ARMCX4: variants seen among roughly 807,000 people sequenced by gnomAD.
The protein encoded by ARMCX4 is armadillo repeat containing X-linked 4.
Under a neutral mutation model 34.7 loss-of-function variants are expected in ARMCX4, and 3 were observed. That is an observed-to-expected ratio of 0.09 (90% CI 0.04 to 0.22). The LOEUF (loss-of-function observed/expected upper bound fraction) is 0.22. Among genes scored for constraint, ARMCX4 ranks in the 10% least tolerant of loss-of-function variants. The pLI is 1.00. For missense variants in ARMCX4, 1,448 were observed against 1,720.8 expected (o/e 0.84, Z 2.81); for synonymous variants, 513 against 632.8 (o/e 0.81, Z 2.84).
At chrX:101,529,459 C>T (rs1343873806) in intron 11 of ARMCX4, among the ~76,000 whole-genome samples, 3 of 111,798 alleles carry the variant, frequency 2.7e-5, no homozygotes, top group Non-Finnish European at 3.8e-5. Context: ...AAAGCAATGG[C>T]AACAAAAGCC....
upstream of ARMCX4, among the ~76,000 whole-genome samples, chrX:101,481,279 C>A: frequency 8.9e-6 from 1 of 112,395 alleles, no homozygotes; most frequent in Non-Finnish European, 1.9e-5. Context: ...ATCTGTACTT[C>A]AAGTACTCAT....
intron 4 of ARMCX4, among the ~76,000 whole-genome samples, chrX:101,470,293 C>A (rs1932870475): frequency 9.0e-6 from 1 of 111,491 alleles, no homozygotes; most frequent in Non-Finnish European, 1.9e-5. Flanking sequence ...TCTGTTCACT[C>A]AGCATACTGG....
upstream of ARMCX4, among the ~76,000 whole-genome samples, chrX:101,481,280 A>G (rs1168793784): frequency 8.9e-6 from 1 of 112,472 alleles, no homozygotes; most frequent in Non-Finnish European, 1.9e-5. Flanking sequence ...TCTGTACTTC[A>G]AGTACTCATA....
chrX:101,523,941 CTTT>C (rs782549941), intron 11 of ARMCX4, among the ~76,000 whole-genome samples: 3 of 106,791 alleles, frequency 2.8e-5, no homozygotes, highest in African/African-American at 1.0e-4. Flanking sequence ...GCAGGCATAG[CTTT>C]TTTTTTTCCC....
At chrX:101,436,282 A>G (rs1328391875) in intron 2 of ARMCX4, among the ~76,000 whole-genome samples, 1 of 110,772 alleles carries the variant, frequency 9.0e-6, no homozygotes, top group Non-Finnish European at 1.9e-5. Flanking sequence ...ATGAGCATGG[A>G]ATGTTCTTCC....
rs782376107 is a variant in ARMCX4 at position 101,485,473 on chromosome X, A to G, written c.-494A>G. The G allele has an allele frequency of 4.3e-6, 3 of 698,737 alleles. No homozygotes were observed. The highest frequency in any genetic ancestry group is 8.3e-4 in the Middle Eastern group (1 of 1,205). 57.6% of individuals were successfully genotyped at this position (698,737 alleles called of 1,213,427 possible). A position where few individuals can be genotyped will look rare whatever the true frequency, so the allele number is the denominator to read the frequency against. On this transcript the variant is annotated 5_prime_UTR_variant, in exon 1 of 6. Transcript: ENST00000423738. ...CAGTCGTCACTCGCATCTGGCTACC[A>G]GCTCCCCGCTGCCCTGCGCTCGGCG...
At chrX:101,429,553 C>T (rs1301184918) in intron 2 of ARMCX4, among the ~76,000 whole-genome samples, 5 of 110,539 alleles carry the variant, frequency 4.5e-5, no homozygotes, top group African/African-American at 1.6e-4. Context: ...CCAGGCTGGT[C>T]TCAAACTCCT....
chrX:101,439,064 C>A (rs1931039993), intron 2 of ARMCX4, among the ~76,000 whole-genome samples: 1 of 111,960 alleles, frequency 8.9e-6, no homozygotes, highest in South Asian at 3.7e-4. Flanking sequence ...TCTTCCTAGC[C>A]TTGATAGTCT....
At chrX:101,474,430 A>G in intron 4 of ARMCX4, among the ~76,000 whole-genome samples, 1 of 108,999 alleles carries the variant, frequency 9.2e-6, no homozygotes, top group Non-Finnish European at 1.9e-5. Flanking sequence ...ATCAATAGAA[A>G]AAGAGGGAAT....
At chrX:101,420,586 G>T (rs782287330) in intron 2 of ARMCX4, among the ~76,000 whole-genome samples, 9 of 111,889 alleles carry the variant, frequency 8.0e-5, no homozygotes, top group Non-Finnish European at 1.7e-4. Flanking sequence ...TAAAATAGGG[G>T]TATTCGACTA....
In ARMCX4 at chrX:101,491,968, G is replaced by A. The variant is rs782143633; in HGVS notation, c.3379G>A (p.Val1127Met). ...QTMDGDWENS[V>M]SWADDENEAS... The stretch of plus-strand genomic sequence containing the variant: ...CATGGATGGAGACTGGGAAAATAGC[G>A]TGTCCTGGGCTGATGATGAGAATGA... The change falls in exon 6 of 6, where the codon GTG becomes ATG. Residue 1127 changes from valine to methionine, a missense_variant. By Grantham distance (21) the Val-to-Met change is conservative. This residue lies in a region of ARMCX4 where 1,343 missense variants were observed against 1,540.7 expected (regional missense o/e 0.87). Transcript: ENST00000423738. 2.9e-5 allele frequency: 33 copies of A among 1,154,345 alleles called. No individual in the cohort carries two copies. Among genetic ancestry groups the A allele is most frequent in the African/African-American group, 1.6e-4 (9 of 55,974 alleles).
intron 2 of ARMCX4, among the ~76,000 whole-genome samples, chrX:101,432,890 A>T (rs370566909): frequency 2.0e-5 from 1 of 50,672 alleles, no homozygotes; most frequent in Admixed American, 2.3e-4. Flanking sequence ...ATACGTGTGT[A>T]TATATACGTG....
intron 11 of ARMCX4, among the ~76,000 whole-genome samples, chrX:101,521,947 T>C (rs1556019201): frequency 1.8e-5 from 2 of 111,689 alleles, no homozygotes. Context: ...GAATGTTCCA[T>C]GTGTCCTTGA....
chrX:101,502,359 C>T (rs1483077912), intron 7 of ARMCX4, among the ~76,000 whole-genome samples: 1 of 112,362 alleles, frequency 8.9e-6, no homozygotes, highest in Non-Finnish European at 1.9e-5. Flanking sequence ...CCCACCTCAG[C>T]CTCCTGAGTA....
chrX:101,451,831 G>A (rs782290085), downstream of ARMCX4, among the ~76,000 whole-genome samples: 2 of 112,256 alleles, frequency 1.8e-5, no homozygotes, highest in East Asian at 2.8e-4. Context: ...CTATGTCAAC[G>A]TAAAATAACC....
At chrX:101,443,754 C>T (rs1931455185) in intron 2 of ARMCX4, 2 of 300,958 alleles carry the variant, frequency 6.6e-6, no homozygotes, top group African/African-American at 5.4e-5. Context: ...TGCTCCATGG[C>T]TTCCACGATA....
rs782588145 is a variant in ARMCX4, at chrX:101,440,884, T to G, written n.165-3168T>G. ...AGGTGCCGTCTGTCACCCCTTTCTTTGACTAGGAAAGGGAATTCCCTGACC... is the reference window on the plus strand; with the variant it reads ...AGGTGCCGTCTGTCACCCCTTTCTTGGACTAGGAAAGGGAATTCCCTGACC... On this transcript the variant is annotated intron_variant and non_coding_transcript_variant, in intron 2 of 3. Transcript: ENST00000430461. Among the ~76,000 whole-genome samples the G allele has an allele frequency of 4.8e-4, 54 of 111,408 alleles. No individual in the cohort carries two copies. In the Middle Eastern group the frequency reaches 0.018, roughly 38 times the overall value.
intron 2 of ARMCX4, among the ~76,000 whole-genome samples, chrX:101,433,238 ATG>A (rs1569315539): frequency 5.3e-5 from 2 of 37,728 alleles, no homozygotes; most frequent in Non-Finnish European, 1.5e-4. Flanking sequence ...ATGTACACAT[ATG>A]TATATATACA....
At chrX:101,530,336 G>T (rs782328395) in intron 11 of ARMCX4, among the ~76,000 whole-genome samples, 149 of 111,278 alleles carry the variant, frequency 1.3e-3, no homozygotes, top group Non-Finnish European at 2.3e-3. Context: ...GCCTTCCGTG[G>T]GGTTGGAGGA....
Sources: gnomAD v4.1 joint callset for allele counts (sites outside exome capture counted in the v4.1 genomes callset) on GRCh38, gnomAD v4.1.1 for gene constraint, gnomAD v4.1.1 regional missense constraint, MANE v1.5 for transcripts, NCBI Gene and HGNC (gene_info 2026-07-23, HGNC 2026-07-21) for gene names.